The following NPAS3 variants were observed in gnomAD, a reference collection of about 807,000 sequenced individuals.
The protein encoded by NPAS3 is neuronal PAS domain protein 3, also known as neuronal PAS domain-containing protein 3.
A neutral mutation model predicts 73.1 loss-of-function variants in NPAS3; 14 were observed. The observed-to-expected ratio is 0.19, with a 90% CI of 0.13 to 0.30. The LOEUF is 0.30. NPAS3 is among the 10% of genes least tolerant of loss of function. The probability of loss-of-function intolerance (pLI) is 1.00; values close to 1 mark genes in which losing one functional copy is unlikely to be tolerated. For missense variants in NPAS3, 1,096 were observed against 1,250.0 expected (o/e 0.88, Z 1.86); for synonymous variants, 620 against 541.5 (o/e 1.14, Z -2.01).
At chr14:33,104,009 C>G (rs896029202) in intron 2 of NPAS3, among the ~76,000 whole-genome samples, 4 of 152,010 alleles carry the variant, frequency 2.6e-5, no homozygotes, top group African/African-American at 7.3e-5. Context: ...TCACGTTTAC[C>G]CCTAAAAGCT....
At chr14:33,661,097 G>GAAAAAAA (rs11297345) in intron 5 of NPAS3, among the ~76,000 whole-genome samples, 1 of 132,578 alleles carries the variant, frequency 7.5e-6, no homozygotes, top group African/African-American at 2.7e-5. Context: ...TCAGTAAAAG[G>GAAAAAAA]AAAAAAAAAA....
At chr14:33,038,267 C>G (rs1043853975) in intron 1 of NPAS3, among the ~76,000 whole-genome samples, 1 of 151,958 alleles carries the variant, frequency 6.6e-6, no homozygotes, top group Admixed American at 6.6e-5. Context: ...TCCTTACTTA[C>G]AAAATAGCAA....
At chr14:33,270,743 G>A (rs2041036274) in intron 3 of NPAS3, among the ~76,000 whole-genome samples, 1 of 152,182 alleles carries the variant, frequency 6.6e-6, no homozygotes, top group African/African-American at 2.4e-5. Context: ...GCTTTAGCCT[G>A]TTAAGCACAT....
upstream of NPAS3, among the ~76,000 whole-genome samples, chr14:32,937,111 A>AG (rs965521509): frequency 6.6e-6 from 1 of 151,576 alleles, no homozygotes; most frequent in Non-Finnish European, 1.5e-5. Flanking sequence ...AAATAGGGGG[A>AG]GGGGGGCAGA....
chr14:33,596,708 C>CA (rs1384900696), intron 5 of NPAS3, among the ~76,000 whole-genome samples: 1 of 152,158 alleles, frequency 6.6e-6, no homozygotes, highest in African/African-American at 2.4e-5. Flanking sequence ...GGGAGAACAC[C>CA]ACTGCTGTTT....
upstream of NPAS3, among the ~76,000 whole-genome samples, chr14:32,936,517 T>C (rs977135212): frequency 7.2e-5 from 11 of 152,152 alleles, no homozygotes; most frequent in African/African-American, 2.4e-4. Flanking sequence ...TTTGGTCACT[T>C]ATACAACATT....
intron 4 of NPAS3, among the ~76,000 whole-genome samples, chr14:33,471,609 T>A (rs2050784793): frequency 6.6e-6 from 1 of 152,224 alleles, no homozygotes; most frequent in Non-Finnish European, 1.5e-5. Context: ...TGATACCATA[T>A]TATATAAATG....
intron 4 of NPAS3, among the ~76,000 whole-genome samples, chr14:33,418,258 G>A (rs1444249743): frequency 1.3e-5 from 2 of 151,892 alleles, no homozygotes; most frequent in Non-Finnish European, 2.9e-5. Context: ...CTAATAAACA[G>A]TGACTTTATA....
At chr14:33,774,504 C>T (rs1314894860) in exon 8 of NPAS3, 1 of 1,613,920 alleles carries the variant, frequency 6.2e-7, no homozygotes, top group South Asian at 1.1e-5. Context: ...TAAATATGGA[C>T]CTCAATATCA....
chr14:33,070,469 G>C (rs570812679), intron 2 of NPAS3, among the ~76,000 whole-genome samples: 1 of 152,272 alleles, frequency 6.6e-6, no homozygotes, highest in South Asian at 2.1e-4. Flanking sequence ...GAGGCACTCA[G>C]GTTCTGTCTG....
At chr14:33,272,764 C>T (rs1207318434) in intron 3 of NPAS3, among the ~76,000 whole-genome samples, 3 of 152,126 alleles carry the variant, frequency 2.0e-5, no homozygotes, top group African/African-American at 7.2e-5. Flanking sequence ...CACTGGAATT[C>T]TGGTAGACAA....
chr14:33,025,087 TAAG>T (rs1378023002), intron 1 of NPAS3, among the ~76,000 whole-genome samples: 1 of 152,128 alleles, frequency 6.6e-6, no homozygotes, highest in African/African-American at 2.4e-5. Flanking sequence ...GATTTTAAAA[TAAG>T]AAGTTTATAA....
At chr14:33,405,542 A>G (rs985617886) in intron 4 of NPAS3, among the ~76,000 whole-genome samples, 4 of 152,132 alleles carry the variant, frequency 2.6e-5, no homozygotes, top group Non-Finnish European at 4.4e-5. Flanking sequence ...AGTCTTTGCT[A>G]TGGAAGTCTC....
chr14:33,186,954 A>C (rs1380757527), intron 2 of NPAS3, among the ~76,000 whole-genome samples: 1 of 152,106 alleles, frequency 6.6e-6, no homozygotes, highest in African/African-American at 2.4e-5. Context: ...AATACACAGA[A>C]ATGCTCCCAC....
At chr14:33,636,161 C>A (rs1020929553) in intron 5 of NPAS3, among the ~76,000 whole-genome samples, 1 of 152,196 alleles carries the variant, frequency 6.6e-6, no homozygotes, top group African/African-American at 2.4e-5. Context: ...CTCAGGTGAT[C>A]CATCCGCCTC....
At chr14:33,729,119 C>T (rs1156978387) in intron 6 of NPAS3, among the ~76,000 whole-genome samples, 1 of 152,168 alleles carries the variant, frequency 6.6e-6, no homozygotes, top group Non-Finnish European at 1.5e-5. Flanking sequence ...CAATATCTTT[C>T]TTACAGTCTT....
At chr14:33,280,296 T>C (rs141618321) in intron 3 of NPAS3, among the ~76,000 whole-genome samples, 117 of 152,300 alleles carry the variant, frequency 7.7e-4, no homozygotes, top group African/African-American at 2.7e-3. Flanking sequence ...AAAAGTAATG[T>C]TCAGAAAAAT....
intron 1 of NPAS3, among the ~76,000 whole-genome samples, chr14:32,988,208 A>C (rs534172587): frequency 6.6e-6 from 1 of 152,266 alleles, no homozygotes; most frequent in African/African-American, 2.4e-5. Context: ...TTATGGTTTA[A>C]AGTCTTAATC....
intron 1 of NPAS3, among the ~76,000 whole-genome samples, chr14:32,955,705 A>AAATGAAGG (rs1468086588): frequency 6.6e-6 from 1 of 152,150 alleles, no homozygotes; most frequent in African/African-American, 2.4e-5. Flanking sequence ...CAGAGTTAGA[A>AAATGAAGG]AATGAAGGAA....
Sources: gnomAD v4.1 joint callset for allele counts (sites outside exome capture counted in the v4.1 genomes callset) on GRCh38, gnomAD v4.1.1 for gene constraint, MANE v1.5 for transcripts, NCBI Gene and HGNC (gene_info 2026-07-23, HGNC 2026-07-21) for gene names.